C2orf49: variants seen among roughly 807,000 people sequenced by gnomAD.
The protein encoded by C2orf49 is tRNA-splicing ligase complex subunit ASW.
Under a neutral mutation model 20.6 loss-of-function variants are expected in C2orf49, and 11 were observed. That is an observed-to-expected ratio of 0.53 (90% CI 0.34 to 0.88). C2orf49 has a LOEUF of 0.88. Among genes scored for constraint, C2orf49 ranks in the 40% least tolerant of loss-of-function variants. C2orf49 has a pLI of 0.02. For synonymous variants in C2orf49, 134 were observed against 108.5 expected, an observed-to-expected ratio of 1.24 and a Z score of -1.46; for missense variants, 289 against 274.2, an observed-to-expected ratio of 1.05 and a Z score of -0.38.
At chr2:105,343,789 G>T (rs1679738488) in intron 3 of C2orf49, among the ~76,000 whole-genome samples, 1 of 152,088 alleles carries the variant, frequency 6.6e-6, no homozygotes, top group Non-Finnish European at 1.5e-5. Context: ...TTGGATGCTT[G>T]TTGGCACATT....
chr2:105,348,949 G>A lies in C2orf49; in HGVS notation c.*3578G>A, dbSNP rs1679878335. The stretch of plus-strand genomic sequence containing the variant: ...TCTTGTAGCCCTTCTTTGAATGAGA[G>A]GGTGGCTGGAGTGGTCTGGTGCTGG... On this transcript the variant is annotated 3_prime_UTR_variant, in exon 4 of 4. Coordinates refer to ENST00000258457, the MANE Select transcript of C2orf49 (RefSeq NM_024093.3). The A allele has an allele frequency of 6.6e-6, 1 of 152,096 alleles. No individual in the cohort carries two copies. The highest frequency in any genetic ancestry group is 2.1e-4 in the South Asian group (1 of 4,814). 9.4% of individuals were successfully genotyped at this position (152,096 alleles called of 1,614,324 possible).
chr2:105,340,747 C>T (rs1006021969), intron 2 of C2orf49, among the ~76,000 whole-genome samples: 4 of 152,118 alleles, frequency 2.6e-5, no homozygotes, highest in African/African-American at 9.7e-5. Context: ...TACAAAGTGT[C>T]CTAAGATCCT....
the C2orf49 span, among the ~76,000 whole-genome samples, chr2:105,370,614 C>T: frequency 6.6e-5 from 10 of 151,904 alleles, no homozygotes; most frequent in African/African-American, 1.7e-4. Flanking sequence ...TTCACTTGTC[C>T]TCTAAATGTA....
chr2:105,384,272 CA>C, the C2orf49 span, among the ~76,000 whole-genome samples: 1 of 152,178 alleles, frequency 6.6e-6, no homozygotes, highest in Non-Finnish European at 1.5e-5. Flanking sequence ...ACTTCTTCCT[CA>C]AACTGGACAT....
the C2orf49 span, chr2:105,385,826 C>T: frequency 6.4e-6 from 1 of 157,144 alleles, no homozygotes; most frequent in Non-Finnish European, 1.4e-5. Flanking sequence ...GAGCCATGAA[C>T]ACATTTCCCC....
At position 105,347,009 on chromosome 2, in the gene C2orf49, C is replaced by G. The variant is rs1679830577; in HGVS notation, c.*1638C>G. On this transcript the variant is annotated 3_prime_UTR_variant, in exon 4 of 4. Coordinates refer to ENST00000258457, the MANE Select transcript of C2orf49 (RefSeq NM_024093.3). ...AATATGTTTTAAAGTAGTCTTATTCCTCTTTTGATTTGTTAAACAAGCATT... is the reference window on the plus strand; with the variant it reads ...AATATGTTTTAAAGTAGTCTTATTCGTCTTTTGATTTGTTAAACAAGCATT... 6.6e-6 allele frequency: 1 copy of G among 152,092 alleles called. No individual in the cohort carries two copies. The highest frequency in any genetic ancestry group is 1.5e-5 in the Non-Finnish European group (1 of 68,010). The allele number at this position is 152,092 out of a possible 1,614,324, so 9.4% of individuals were successfully genotyped here. A position where few individuals can be genotyped will look rare whatever the true frequency, so the allele number is the denominator to read the frequency against.
At chr2:105,368,440 T>C in the C2orf49 span, among the ~76,000 whole-genome samples, 1 of 152,202 alleles carries the variant, frequency 6.6e-6, no homozygotes, top group Non-Finnish European at 1.5e-5. Flanking sequence ...CCAGGGAAAC[T>C]CCTGCCTCAA....
chr2:105,368,924 CAA>C, the C2orf49 span, among the ~76,000 whole-genome samples: 1 of 152,198 alleles, frequency 6.6e-6, no homozygotes, highest in African/African-American at 2.4e-5. Context: ...GCCTGCTTTT[CAA>C]ATGAAGTTTT....
the C2orf49 span, among the ~76,000 whole-genome samples, chr2:105,370,543 T>G: frequency 1.3e-5 from 2 of 152,020 alleles, no homozygotes; most frequent in Non-Finnish European, 2.9e-5. Flanking sequence ...GTATTCCAGT[T>G]TCCTGATTGG....
At chr2:105,344,705 G>A (rs1400413575) in intron 3 of C2orf49, among the ~76,000 whole-genome samples, 1 of 151,524 alleles carries the variant, frequency 6.6e-6, no homozygotes, top group African/African-American at 2.4e-5. Flanking sequence ...TCAGCCTCCC[G>A]AGTAGCTAGG....
downstream of C2orf49, among the ~76,000 whole-genome samples, chr2:105,352,122 C>CA (rs1679949036): frequency 6.6e-6 from 1 of 152,178 alleles, no homozygotes; most frequent in South Asian, 2.1e-4. Flanking sequence ...AGCCTCTACC[C>CA]ATGTGAGAAA....
chr2:105,372,248 C>T, the C2orf49 span, among the ~76,000 whole-genome samples: 4 of 151,532 alleles, frequency 2.6e-5, no homozygotes, highest in Non-Finnish European at 4.4e-5. Flanking sequence ...TTTTTTGAGA[C>T]GGAGTCTCAC....
the C2orf49 span, chr2:105,375,495 G>T: frequency 6.6e-6 from 1 of 152,372 alleles, no homozygotes; most frequent in African/African-American, 2.4e-5. Context: ...AACATTAGCC[G>T]GGCGTGGTGG....
chr2:105,373,372 CT>C, the C2orf49 span, among the ~76,000 whole-genome samples: 1 of 152,234 alleles, frequency 6.6e-6, no homozygotes, highest in Non-Finnish European at 1.5e-5. Flanking sequence ...GATCCCGTTA[CT>C]GCCCATGATA....
downstream of C2orf49, among the ~76,000 whole-genome samples, chr2:105,353,868 TTAAG>T (rs1307448494): frequency 1.3e-5 from 2 of 152,274 alleles, no homozygotes; most frequent in East Asian, 1.9e-4. Flanking sequence ...AGTAATATGA[TTAAG>T]TGATATGCAA....
the C2orf49 span, among the ~76,000 whole-genome samples, chr2:105,380,000 T>G: frequency 1.3e-5 from 2 of 152,206 alleles, no homozygotes; most frequent in Non-Finnish European, 2.9e-5. Context: ...CCAGTTTGTG[T>G]TGTCTTTAGA....
At chr2:105,384,205 CGTAA>C in the C2orf49 span, among the ~76,000 whole-genome samples, 3 of 152,170 alleles carry the variant, frequency 2.0e-5, no homozygotes, top group East Asian at 1.9e-4. Context: ...CTCTCACCTA[CGTAA>C]GTATTTCTTT....
chr2:105,360,670 A>C, the C2orf49 span: 2 of 152,456 alleles, frequency 1.3e-5, no homozygotes, highest in African/African-American at 4.8e-5. Flanking sequence ...GCTTCCTTTA[A>C]AGGGTGTGAT....
At chr2:105,351,913 A>G (rs369165614), downstream of C2orf49, among the ~76,000 whole-genome samples, 4 of 152,286 alleles carry the variant, frequency 2.6e-5, no homozygotes, top group African/African-American at 9.6e-5. Context: ...ATATGTAACC[A>G]TCTGTATCTA....
Sources: gnomAD v4.1 joint callset for allele counts (sites outside exome capture counted in the v4.1 genomes callset) on GRCh38, gnomAD v4.1.1 for gene constraint, MANE v1.5 for transcripts, NCBI Gene and HGNC (gene_info 2026-07-23, HGNC 2026-07-21) for gene names.